NEK10: variants seen among roughly 807,000 people sequenced by gnomAD.
NEK10 encodes NIMA related kinase 10, also known as serine/threonine-protein kinase Nek10.
A neutral mutation model predicts 159.8 loss-of-function variants in NEK10; 122 were observed. The ratio of observed to expected loss-of-function variants is 0.76; its 90% CI spans 0.66 to 0.89. The LOEUF (loss-of-function observed/expected upper bound fraction) is 0.89. Among genes scored for constraint, NEK10 ranks in the 40% least tolerant of loss-of-function variants. The probability of loss-of-function intolerance (pLI) is 0.00; values close to 1 mark genes in which losing one functional copy is unlikely to be tolerated. For missense variants in NEK10, 1,342 were observed against 1,323.1 expected, an observed-to-expected ratio of 1.01 and a Z score of -0.22; for synonymous variants, 466 against 457.1, an observed-to-expected ratio of 1.02 and a Z score of -0.25.
chr3:27,322,773 T>C (rs549965813), intron 5 of NEK10, among the ~76,000 whole-genome samples: 1 of 152,316 alleles, frequency 6.6e-6, no homozygotes, highest in African/African-American at 2.4e-5. Context: ...CATAGAGTAC[T>C]TGTTTTTTTA....
In NEK10 at chr3:27,352,840, T is replaced by G; in HGVS notation, c.43A>C (p.Thr15Pro). 6.2e-7 allele frequency: 1 copy of G among 1,611,340 alleles called. No individual in the cohort carries two copies. Among genetic ancestry groups the G allele is most frequent in the Non-Finnish European group, 8.5e-7 (1 of 1,177,774 alleles). Residue 15 changes from threonine to proline, a missense_variant, in exon 2 of 36, where the codon ACT becomes CCT. Physicochemically the swap from Thr to Pro is conservative, Grantham distance 38. Transcript: ENST00000691995. ...ATGGTGATTTCTTGCTGTTTATCAGTTGATTTTTCTGTGGTCTTCACCTTT... is the reference window on the plus strand; with the variant it reads ...ATGGTGATTTCTTGCTGTTTATCAGGTGATTTTTCTGTGGTCTTCACCTTT... ...DKKVKTTEKS[T>P]DKQQEITIRD... is the part of the protein sequence containing the mutation.
At position 27,297,222 on chromosome 3, in the gene NEK10, G is replaced by A. The variant is rs757069590; in HGVS notation, c.1187C>T (p.Thr396Ile). ...SLQAACCAAL[T>I]ELVLNDTNAH... The stretch of plus-strand genomic sequence containing the variant: ...ATTGGTGTCATTGAGCACCAGCTCA[G>A]TGAGGGCAGCACAGCAGGCTGGAAT... Residue 396 changes from threonine (T) to isoleucine (I), a missense_variant, in exon 14 of 36, where the codon ACT (threonine) becomes ATT (isoleucine). Transcript: ENST00000691995. The A allele has an allele frequency of 6.2e-7, 1 of 1,612,738 alleles. No individual in the cohort carries two copies. The highest frequency in any genetic ancestry group is 1.1e-5 in the South Asian group (1 of 91,052).
At chr3:27,156,862 A>G (rs909773641) in intron 30 of NEK10, among the ~76,000 whole-genome samples, 3 of 146,888 alleles carry the variant, frequency 2.0e-5, no homozygotes, top group Non-Finnish European at 4.5e-5. Context: ...GTAGCCACAC[A>G]ATTCACAATT....
At position 27,286,378 on chromosome 3, in the gene NEK10, G is replaced by A. The variant is rs531813391; in HGVS notation, c.1789+1320C>T. Reference sequence around the variant, plus strand: ...TGGGATTACAAGTGTGAGCCACCGCGCCCAGCCTTTTTTTTTCTTTCTGAG... The same window carrying A: ...TGGGATTACAAGTGTGAGCCACCGCACCCAGCCTTTTTTTTTCTTTCTGAG... On this transcript the variant is annotated intron_variant, in intron 20 of 35. Coordinates refer to ENST00000691995, the MANE Select transcript of NEK10 (RefSeq NM_001394966.1). Among the ~76,000 whole-genome samples the A allele has an allele frequency of 6.7e-5, 10 of 150,054 alleles. No individual in the cohort carries two copies. The South Asian group carries it at 1.9e-3, about 28-fold the overall frequency.
intron 33 of NEK10, among the ~76,000 whole-genome samples, chr3:27,117,509 T>C (rs1360000464): frequency 6.6e-6 from 1 of 152,212 alleles, no homozygotes; most frequent in Non-Finnish European, 1.5e-5. Flanking sequence ...GACATTTAAA[T>C]AATTGCCATT....
intron 23 of NEK10, among the ~76,000 whole-genome samples, chr3:27,246,255 G>T (rs1237839324): frequency 1.3e-5 from 2 of 152,110 alleles, no homozygotes; most frequent in Non-Finnish European, 2.9e-5. Flanking sequence ...GGGTACATCT[G>T]CAGGTTTGTT....
chr3:27,216,884 T>C lies in NEK10; in HGVS notation c.2091-14327A>G, dbSNP rs570894727. On this transcript the variant is annotated intron_variant, in intron 23 of 35. Transcript: ENST00000691995. ...GGGGATAAATGCTATGCAATGATTA[T>C]CTGAATCATCAGAGTATGAACAATT... Among the ~76,000 whole-genome samples the C allele has an allele frequency of 1.4e-4, 22 of 152,352 alleles. No individual in the cohort carries two copies. The South Asian group carries it at 4.6e-3, about 32-fold the overall frequency.
chr3:27,365,555 A>C (rs981972029), intron 1 of NEK10, among the ~76,000 whole-genome samples: 4 of 148,878 alleles, frequency 2.7e-5, no homozygotes, highest in Non-Finnish European at 5.9e-5. Context: ...TATGTATTTT[A>C]TCCAGTGCTC....
intron 25 of NEK10, among the ~76,000 whole-genome samples, chr3:27,193,519 A>G (rs865821515): frequency 6.6e-6 from 1 of 150,910 alleles, no homozygotes; most frequent in Non-Finnish European, 1.5e-5. Flanking sequence ...AACACATCCA[A>G]TGCGGCTACC....
rs1366389876 is a variant in NEK10 at position 27,167,413 on chromosome 3, CAAAT to C, written c.2831+4402_2831+4405del. On this transcript the variant is annotated intron_variant, in intron 29 of 35. Transcript: ENST00000691995. ...CAGTAATAAATATCCATCAATTAAA[CAAAT>C]GAATGAAGGTTCTTAAGATGGTCGT... Among the ~76,000 whole-genome samples the C allele has an allele frequency of 1.6e-4, 25 of 152,150 alleles. 1 individual carries two copies. The highest frequency in any genetic ancestry group is 1.6e-3 in the Admixed American group (25 of 15,260).
intron 30 of NEK10, among the ~76,000 whole-genome samples, chr3:27,147,208 T>G (rs1367212983): frequency 6.6e-6 from 1 of 152,112 alleles, no homozygotes; most frequent in Non-Finnish European, 1.5e-5. Context: ...CAATCTACAG[T>G]GCACTGTAGC....
chr3:27,257,557 G>T (rs1956333386), intron 22 of NEK10, among the ~76,000 whole-genome samples: 1 of 151,906 alleles, frequency 6.6e-6, no homozygotes, highest in South Asian at 2.1e-4. Context: ...AATAATACAC[G>T]TTTACTAAAC....
At chr3:27,295,534 A>G (rs965277192) in intron 15 of NEK10, 79 bp downstream of exon 15, 14 of 1,490,312 alleles carry the variant, frequency 9.4e-6, no homozygotes, top group Non-Finnish European at 1.3e-5. Flanking sequence ...TAAACATTCT[A>G]AAAATCATAG....
intron 5 of NEK10, among the ~76,000 whole-genome samples, chr3:27,325,113 AAG>A (rs1429315784): frequency 2.6e-5 from 4 of 152,196 alleles, no homozygotes; most frequent in Non-Finnish European, 5.9e-5. Flanking sequence ...TGAGGTGAGA[AAG>A]AGAGGCTGAG....
rs147620240 is a variant in NEK10 at position 27,106,765 on chromosome 3, C to T, written c.*4507G>A. 1.2e-3 allele frequency among the ~76,000 whole-genome samples: 178 copies of T among 152,298 alleles called. No individual in the cohort carries two copies. Among genetic ancestry groups the T allele is most frequent in the African/African-American group, 3.9e-3 (164 of 41,572 alleles). On this transcript the variant is annotated 3_prime_UTR_variant, in exon 36 of 36. Transcript: ENST00000691995. ...TCGGCTAATTTTTCATTTGTGAACT[C>T]ACCATATCAATTCCAAGTATCCATC...
rs575466879 is a variant in NEK10, at chr3:27,239,146, A to G, written c.2090+17150T>C. Among the ~76,000 whole-genome samples, 9 of 152,260 alleles carry G rather than the reference A, an allele frequency of 5.9e-5. No homozygotes were observed. In the East Asian group the frequency reaches 1.7e-3, roughly 29 times the overall value. On this transcript the variant is annotated intron_variant, in intron 23 of 35. Coordinates refer to ENST00000691995, the MANE Select transcript of NEK10 (RefSeq NM_001394966.1). ...AGGGGCCAATCTCCCATTTTAATGC[A>G]TAATTCTCACAATTGGCTAAAATGA... is the stretch of plus-strand genomic sequence containing the variant.
At chr3:27,235,653 ATTG>A (rs1471532561) in intron 23 of NEK10, among the ~76,000 whole-genome samples, 1 of 152,194 alleles carries the variant, frequency 6.6e-6, no homozygotes, top group Non-Finnish European at 1.5e-5. Flanking sequence ...ATGCTTTTAC[ATTG>A]TTGATGGGAG....
At chr3:27,187,219 C>T (rs1948698919) in intron 26 of NEK10, among the ~76,000 whole-genome samples, 1 of 152,094 alleles carries the variant, frequency 6.6e-6, no homozygotes, top group African/African-American at 2.4e-5. Context: ...GTCCAGAGCC[C>T]CTGCCCCTCT....
intron 30 of NEK10, among the ~76,000 whole-genome samples, chr3:27,153,865 C>T (rs1945138986): frequency 6.6e-6 from 1 of 152,034 alleles, no homozygotes; most frequent in Non-Finnish European, 1.5e-5. Flanking sequence ...TGAAAGAGCA[C>T]AAACTGACAT....
Sources: gnomAD v4.1 joint callset for allele counts (sites outside exome capture counted in the v4.1 genomes callset) on GRCh38, gnomAD v4.1.1 for gene constraint, MANE v1.5 for transcripts, NCBI Gene and HGNC (gene_info 2026-07-23, HGNC 2026-07-21) for gene names.